MOGAT3: variants seen among roughly 807,000 people sequenced by gnomAD.
MOGAT3 encodes monoacylglycerol O-acyltransferase 3, also known as 2-acylglycerol O-acyltransferase 3.
Under a neutral mutation model 34.4 loss-of-function variants are expected in MOGAT3, and 39 were observed. That is an observed-to-expected ratio of 1.13 (90% CI 0.88 to 1.48). MOGAT3 has a LOEUF of 1.48. Among genes scored for constraint, MOGAT3 ranks in the 40% most tolerant of loss-of-function variants. The probability of loss-of-function intolerance (pLI) is 0.00; values close to 1 mark genes in which losing one functional copy is unlikely to be tolerated. For missense variants in MOGAT3, 439 were observed against 438.9 expected (o/e 1.00, Z 0.00); for synonymous variants, 209 against 179.2 (o/e 1.17, Z -1.33).
rs370642798 is a variant in MOGAT3 at position 101,200,704 on chromosome 7, C to T, written c.109+42G>A. ...AGCCACTCTCCCTCCAAGCCCTACT[C>T]CCCTGGCAGACCCCAGGCACCCACG... is the stretch of plus-strand genomic sequence containing the variant. On this transcript the variant is annotated intron_variant, in intron 1 of 6. Coordinates refer to ENST00000223114, the MANE Select transcript of MOGAT3 (RefSeq NM_178176.4). 1,113 of 1,553,350 alleles carry T rather than the reference C, an allele frequency of 7.2e-4. 1 individual carries two copies. Among genetic ancestry groups the T allele is most frequent in the Non-Finnish European group, 8.9e-4 (1,004 of 1,129,394 alleles).
chr7:101,198,251 C>T lies in MOGAT3; in HGVS notation c.608G>A (p.Gly203Glu), dbSNP rs142420325. 7.2e-5 allele frequency: 116 copies of T among 1,613,530 alleles called. No homozygotes were observed. Among genetic ancestry groups the T allele is most frequent in the Non-Finnish European group, 9.7e-5 (114 of 1,179,796 alleles). ...GAHEALYSVP[G>E]EHCLTLQKRK... ...CTTCTGGAGCGTAAGGCAGTGCTCC[C>T]CGGGGACTGAATACAGGGCCTCGTG... Residue 203 changes from glycine to glutamate, a missense_variant, in exon 5 of 7, where the codon GGG becomes GAG. Transcript: ENST00000223114.
intron 4 of MOGAT3, 97 bp from the exon 5 acceptor site, chr7:101,198,462 C>T: frequency 7.2e-7 from 1 of 1,393,396 alleles, no homozygotes; most frequent in Non-Finnish European, 9.6e-7. Flanking sequence ...ACCCCCATCT[C>T]CAAGGCGGGG....
In MOGAT3 at chr7:101,198,833, T is replaced by G. The variant is rs1019696502; in HGVS notation, c.289-3A>C. The G allele has an allele frequency of 1.9e-6, 3 of 1,613,612 alleles. No homozygotes were observed. The highest frequency in any genetic ancestry group is 1.7e-6 in the Non-Finnish European group (2 of 1,179,914). Reference sequence around the variant, plus strand: ...GGCAGCTCTGCTGTTTTCACCAGCTTCGGGGTGTTGAGCAGGATGAAGGGA... The same window carrying G: ...GGCAGCTCTGCTGTTTTCACCAGCTGCGGGGTGTTGAGCAGGATGAAGGGA... On this transcript the variant is annotated splice_region_variant and splice_polypyrimidine_tract_variant and intron_variant, in intron 3 of 6. Transcript: ENST00000223114.
At position 101,195,885 on chromosome 7, in the gene MOGAT3, A is replaced by C. The variant is rs1262806146; in HGVS notation, c.*61T>G. ...ACCTTTTATTGGAGGCATGGAGTCC[A>C]CAGTGGGTGGAGGTCTCAGTGCCTT... On this transcript the variant is annotated 3_prime_UTR_variant, in exon 7 of 7. Transcript: ENST00000223114. 1 of 1,569,374 alleles carries C rather than the reference A, an allele frequency of 6.4e-7. No individual in the cohort carries two copies.
chr7:101,196,413 G>T, intron 5 of MOGAT3, 24 bp from the exon 6 acceptor site: 3 of 1,575,574 alleles, frequency 1.9e-6, no homozygotes, highest in South Asian at 2.3e-5. Context: ...AGAGAGAAGA[G>T]GGGGCTCAGG....
At chr7:101,194,362 AT>A (rs759785110), downstream of MOGAT3, among the ~76,000 whole-genome samples, 23 of 151,266 alleles carry the variant, frequency 1.5e-4, no homozygotes, top group Non-Finnish European at 2.9e-4. Flanking sequence ...TAATTTTTGT[AT>A]TTTTAGTAGA....
In MOGAT3 at chr7:101,200,535, G is replaced by T. The variant is rs756911314; in HGVS notation, c.110-20C>A. ...AAGGGCCTGGGGGAAGGGAGAGAAA[G>T]AAAAGAGTTCACTTCTGAAACTCCA... On this transcript the variant is annotated intron_variant, in intron 1 of 6. Coordinates refer to ENST00000223114, the MANE Select transcript of MOGAT3 (RefSeq NM_178176.4). 4 of 1,540,924 alleles carry T rather than the reference G, an allele frequency of 2.6e-6. No homozygotes were observed. In the East Asian group the frequency reaches 9.6e-5, roughly 37 times the overall value.
chr7:101,200,058 A>G (rs1455286144), intron 3 of MOGAT3, among the ~76,000 whole-genome samples, 176 bp downstream of exon 3: 2 of 150,534 alleles, frequency 1.3e-5, no homozygotes, highest in African/African-American at 4.9e-5. Flanking sequence ...GCACCACTGC[A>G]CTCCAGCCTC....
rs777095633 is a variant in MOGAT3, at chr7:101,196,094, C to A, written c.878G>T (p.Arg293Leu). 10 of 1,606,922 alleles carry A rather than the reference C, an allele frequency of 6.2e-6. No homozygotes were observed. The highest frequency in any genetic ancestry group is 8.5e-6 in the Non-Finnish European group (10 of 1,176,414). The change falls in exon 7 of 7, where the codon CGC becomes CTC. Residue 293 changes from arginine (R) to leucine (L), a missense_variant. Arg to Leu is a moderately radical substitution (Grantham distance 102, BLOSUM62 -2). Coordinates refer to ENST00000223114, the MANE Select transcript of MOGAT3 (RefSeq NM_178176.4). ...FAVPITTVVG[R>L]PIPVPQRLHP... ...GAGGCGCTGGGGGACGGGGATGGGG[C>A]GGCCCACTGCAGGGAGAGGGAGACA...
downstream of MOGAT3, among the ~76,000 whole-genome samples, chr7:101,193,002 C>T (rs1264006162): frequency 2.6e-5 from 4 of 152,268 alleles, no homozygotes; most frequent in Admixed American, 2.0e-4. Context: ...GGCGTGAACC[C>T]GGGAGGCGGA....
intron 5 of MOGAT3, 111 bp downstream of exon 5, chr7:101,198,080 C>A (rs906785468): frequency 1.0e-5 from 13 of 1,262,060 alleles, no homozygotes; most frequent in East Asian, 1.0e-4. Flanking sequence ...CAGGGCAGGG[C>A]GCTGGTCTCT....
At chr7:101,194,604 G>A (rs565690256), downstream of MOGAT3, among the ~76,000 whole-genome samples, 2 of 145,696 alleles carry the variant, frequency 1.4e-5, no homozygotes, top group Admixed American at 7.2e-5. Context: ...ACGGGTTCAC[G>A]CCATTCTCCT....
downstream of MOGAT3, among the ~76,000 whole-genome samples, chr7:101,193,420 T>C (rs553798597): frequency 2.9e-4 from 44 of 152,138 alleles, 1 homozygote; most frequent in South Asian, 8.7e-3. Flanking sequence ...AGAGCTGATT[T>C]ATTTTTATTT....
In MOGAT3 at chr7:101,198,792, G is replaced by A. The variant is rs766809428; in HGVS notation, c.327C>T (p.Tyr109=). The A allele has an allele frequency of 1.4e-5, 23 of 1,613,984 alleles. No individual in the cohort carries two copies. The East Asian group carries it at 2.7e-4, about 19-fold the overall frequency. Residue 109 remains tyrosine (Y), a synonymous_variant, in exon 4 of 7, where the codon TAC becomes TAT. Transcript: ENST00000223114. ...KTAELPPDRN[Y]VLGAHPHGIM... is the part of the protein sequence containing the mutation. ...TCCCATGAGGGTGGGCGCCCAGCAC[G>A]TAGTTCCGATCCGGGGGCAGCTCTG...
chr7:101,196,885 G>A (rs1216821967), intron 5 of MOGAT3, among the ~76,000 whole-genome samples: 1 of 151,702 alleles, frequency 6.6e-6, no homozygotes, highest in African/African-American at 2.4e-5. Context: ...TAAATAGGCT[G>A]GGTGCGGTGG....
chr7:101,194,807 G>A (rs1347014080), downstream of MOGAT3, among the ~76,000 whole-genome samples: 1 of 152,062 alleles, frequency 6.6e-6, no homozygotes, highest in African/African-American at 2.4e-5. Flanking sequence ...AGCCTCAGCT[G>A]TGTTCTTAAC....
At chr7:101,193,984 AC>A (rs112926686), downstream of MOGAT3, among the ~76,000 whole-genome samples, 1,027 of 151,896 alleles carry the variant, frequency 6.8e-3, 9 homozygotes, top group African/African-American at 0.023. Context: ...TGCTGTGACC[AC>A]CCCAGGGCTC....
chr7:101,196,464 A>G, intron 5 of MOGAT3, 75 bp from the exon 6 acceptor site: 2 of 1,052,682 alleles, frequency 1.9e-6, no homozygotes, highest in East Asian at 2.4e-5. Context: ...AGGGGCTACA[A>G]GTCCTTCCCA....
chr7:101,200,098 A>AG, intron 3 of MOGAT3, 136 bp downstream of exon 3: 1 of 754,548 alleles, frequency 1.3e-6, no homozygotes, highest in Non-Finnish European at 2.3e-6. Flanking sequence ...TAAAAAAAAA[A>AG]AAAAATCCAT....
Sources: gnomAD v4.1 joint callset for allele counts (sites outside exome capture counted in the v4.1 genomes callset) on GRCh38, gnomAD v4.1.1 for gene constraint, MANE v1.5 for transcripts, NCBI Gene and HGNC (gene_info 2026-07-23, HGNC 2026-07-21) for gene names.